The following DOCK1 variants were observed in gnomAD, a reference collection of about 807,000 sequenced individuals.
DOCK1 encodes dedicator of cytokinesis protein 1.
In DOCK1, 138 loss-of-function variants were observed where a neutral mutation model predicts 262.7. The observed-to-expected ratio is 0.53, with a 90% confidence interval of 0.46 to 0.61. The LOEUF is 0.61. Ranked by LOEUF, DOCK1 falls within the 20% of genes least tolerant of loss-of-function variation. DOCK1 has a pLI of 0.00. For missense variants in DOCK1, 1,908 were observed against 2,370.7 expected (o/e 0.80, Z 4.05); for synonymous variants, 866 against 867.4 (o/e 1.00, Z 0.03).
At chr10:126,997,952 A>C (rs1360847988) in intron 7 of DOCK1, 140 bp from the exon 8 acceptor site, 1 of 1,063,340 alleles carries the variant, frequency 9.4e-7, no homozygotes, top group Non-Finnish European at 1.4e-6. Flanking sequence ...TGCAGGGGAG[A>C]TAAGAAAGTG....
Position 127,081,971 on chromosome 10 carries a change from A to C in DOCK1, c.2445+20195A>C, listed in dbSNP as rs1361945513. ...ATGCTCATACATGTGGTGGTTCTTCACGCGAAAGCAGCTGACCTCAAAGAG... is the reference window on the plus strand; with the variant it reads ...ATGCTCATACATGTGGTGGTTCTTCCCGCGAAAGCAGCTGACCTCAAAGAG... On this transcript the variant is annotated intron_variant, in intron 23 of 51. Coordinates refer to ENST00000623213, the MANE Select transcript of DOCK1 (RefSeq NM_001290223.2). 2.0e-5 allele frequency among the ~76,000 whole-genome samples: 3 copies of C among 152,084 alleles called. No individual in the cohort carries two copies. In the East Asian group the frequency reaches 5.8e-4, roughly 29 times the overall value.
At chr10:127,112,461 A>T (rs1402879624) in intron 25 of DOCK1, among the ~76,000 whole-genome samples, 1 of 152,042 alleles carries the variant, frequency 6.6e-6, no homozygotes, top group Non-Finnish European at 1.5e-5. Flanking sequence ...TTTCTGTTTC[A>T]TTCTTGTTCT....
chr10:127,032,374 C>CT, intron 18 of DOCK1, 54 bp downstream of exon 18: 1 of 1,450,828 alleles, frequency 6.9e-7, no homozygotes, highest in Middle Eastern at 2.3e-4. Context: ...CCAGTCCTGT[C>CT]TTTTCCATGC....
intron 38 of DOCK1, among the ~76,000 whole-genome samples, chr10:127,389,992 C>A (rs192099468): frequency 1.5e-5 from 2 of 137,684 alleles, no homozygotes; most frequent in African/African-American, 5.6e-5. Flanking sequence ...CCAGCCTGGG[C>A]GACAGGAACT....
chr10:127,276,654 A>G (rs1029047217), intron 29 of DOCK1, among the ~76,000 whole-genome samples: 3 of 152,110 alleles, frequency 2.0e-5, no homozygotes. Context: ...CATTTTGTTT[A>G]GAGGTATAGA....
intron 47 of DOCK1, 115 bp from the exon 48 acceptor site, chr10:127,433,168 G>T: frequency 1.4e-6 from 2 of 1,415,172 alleles, no homozygotes; most frequent in Non-Finnish European, 1.9e-6. Flanking sequence ...GTTTACAGAA[G>T]TCTGAACGAT....
chr10:127,139,394 TA>T (rs537541750), intron 27 of DOCK1, among the ~76,000 whole-genome samples: 1,874 of 148,456 alleles, frequency 0.013, 27 homozygotes, highest in African/African-American at 0.035. Flanking sequence ...CTCAAAAAAT[TA>T]AAAAAAAAAA....
At chr10:127,368,839 G>A (rs1018443760) in intron 33 of DOCK1, among the ~76,000 whole-genome samples, 8 of 152,080 alleles carry the variant, frequency 5.3e-5, no homozygotes, top group Non-Finnish European at 1.2e-4. Context: ...TCTTTTTAAA[G>A]AATTCCATTT....
chr10:127,345,915 C>T (rs1488550686), intron 31 of DOCK1, among the ~76,000 whole-genome samples: 3 of 152,322 alleles, frequency 2.0e-5, no homozygotes, highest in Admixed American at 6.5e-5. Flanking sequence ...GTAGTGCAGA[C>T]GGTAGTGACC....
chr10:127,315,460 G>A (rs1017510537), intron 29 of DOCK1, among the ~76,000 whole-genome samples: 2 of 152,076 alleles, frequency 1.3e-5, no homozygotes, highest in South Asian at 2.1e-4. Flanking sequence ...TTGAGGACAC[G>A]GGGGGAAGAT....
At chr10:127,391,412 A>G (rs1309353173) in intron 38 of DOCK1, among the ~76,000 whole-genome samples, 1 of 152,204 alleles carries the variant, frequency 6.6e-6, no homozygotes, top group Non-Finnish European at 1.5e-5. Context: ...AAATCAAGAA[A>G]AAGCAGCATC....
At chr10:126,992,535 G>T (rs61875513) in intron 6 of DOCK1, among the ~76,000 whole-genome samples, 6,741 of 152,194 alleles carry the variant, frequency 0.044, 198 homozygotes, top group Middle Eastern at 0.1. Context: ...TTGATTTTAA[G>T]GTGGGTGGAT....
rs576983895 is a variant in DOCK1, at chr10:127,319,894, G to A, written c.3045-19112G>A. 1.5e-3 allele frequency among the ~76,000 whole-genome samples: 225 copies of A among 152,300 alleles called. 1 individual carries two copies. The highest frequency in any genetic ancestry group is 5.1e-3 in the African/African-American group (214 of 41,588). On this transcript the variant is annotated intron_variant, in intron 29 of 51. Transcript: ENST00000623213. ...AGTTGCTTGCCAGTGATGGGCAGAGGGCGAGGGCAAGACGCTGGCTAGCCT... is the reference window on the plus strand; with the variant it reads ...AGTTGCTTGCCAGTGATGGGCAGAGAGCGAGGGCAAGACGCTGGCTAGCCT...
intron 28 of DOCK1, among the ~76,000 whole-genome samples, chr10:127,255,888 C>G (rs893997657): frequency 1.3e-5 from 2 of 152,184 alleles, no homozygotes; most frequent in African/African-American, 4.8e-5. Flanking sequence ...ATGGGAAACT[C>G]TTGACAAAGT....
intron 27 of DOCK1, among the ~76,000 whole-genome samples, chr10:127,235,135 TTATAAAG>T (rs1431090669): frequency 6.6e-6 from 1 of 150,796 alleles, no homozygotes; most frequent in Non-Finnish European, 1.5e-5. Flanking sequence ...TTTGTATACT[TTATAAAG>T]TATAAAATAC....
At chr10:127,214,823 A>G (rs973771349) in intron 27 of DOCK1, among the ~76,000 whole-genome samples, 12 of 152,210 alleles carry the variant, frequency 7.9e-5, no homozygotes, top group Non-Finnish European at 1.3e-4. Flanking sequence ...ATGAAGACTC[A>G]GCTACCGTGA....
At chr10:127,049,323 C>A (rs1433588193) in intron 21 of DOCK1, among the ~76,000 whole-genome samples, 4 of 152,038 alleles carry the variant, frequency 2.6e-5, no homozygotes, top group African/African-American at 9.7e-5. Context: ...GAGTTTGAGA[C>A]CAGCCTGACC....
intron 29 of DOCK1, among the ~76,000 whole-genome samples, chr10:127,272,595 T>G (rs998367423): frequency 9.2e-5 from 14 of 152,236 alleles, no homozygotes; most frequent in African/African-American, 3.4e-4. Flanking sequence ...TTTTCTAGCT[T>G]TTCTGGTTTG....
rs756393627 is a variant in DOCK1, at chr10:127,176,032, G to A, written c.2847+48268G>A. On this transcript the variant is annotated intron_variant, in intron 27 of 51. Transcript: ENST00000623213. This position sits in a 1 kb window ranked among gnomAD's most constrained non-coding sequence, Gnocchi z 4.4. ...AGGCTTTTGAGGTTCCCCTTTTTGC[G>A]GTCCAGAGGGAACGTCTGGTAACAC... The A allele has an allele frequency of 5.6e-6, 9 of 1,613,890 alleles. No individual in the cohort carries two copies. Among genetic ancestry groups the A allele is most frequent in the Admixed American group, 5.0e-5 (3 of 59,994 alleles).
Sources: gnomAD v4.1 joint callset for allele counts (sites outside exome capture counted in the v4.1 genomes callset) on GRCh38, gnomAD v4.1.1 for gene constraint, Gnocchi (gnomAD v3.1) non-coding constraint, MANE v1.5 for transcripts, NCBI Gene and HGNC (gene_info 2026-07-23, HGNC 2026-07-21) for gene names.